Variants in MAP3K9 observed in about 807,000 individuals in gnomAD.
MAP3K9 encodes mitogen-activated protein kinase kinase kinase 9.
In MAP3K9, 46 loss-of-function variants were observed where a neutral mutation model predicts 95.8. That is an observed-to-expected ratio of 0.48 (90% CI 0.38 to 0.61). MAP3K9 has a LOEUF of 0.61. Among genes scored for constraint, MAP3K9 ranks in the 20% least tolerant of loss-of-function variants. The probability of loss-of-function intolerance (pLI) is 0.00; values close to 1 mark genes in which losing one functional copy is unlikely to be tolerated. For missense variants in MAP3K9, 1,296 were observed against 1,474.3 expected, an observed-to-expected ratio of 0.88 and a Z score of 1.98; for synonymous variants, 533 against 593.8, an observed-to-expected ratio of 0.90 and a Z score of 1.49.
chr14:70,730,972 C>T lies in MAP3K9; in HGVS notation c.2831-108G>A, dbSNP rs1391182084. On this transcript the variant is annotated intron_variant, in intron 11 of 11. Transcript: ENST00000554752. ...CCATATCCCTACGCAATCAGGAGAA[C>T]ATGAATCACCAAATGTTTGTGGAGC... 7 of 1,218,518 alleles carry T rather than the reference C, an allele frequency of 5.7e-6. No individual in the cohort carries two copies. In the African/African-American group the frequency reaches 7.5e-5, roughly 13 times the overall value. 75.5% of individuals were successfully genotyped at this position (1,218,518 alleles called of 1,614,324 possible).
chr14:70,739,917 C>T (rs1380952890), intron 7 of MAP3K9, 125 bp downstream of exon 7: 1 of 1,613,250 alleles, frequency 6.2e-7, no homozygotes, highest in African/African-American at 1.3e-5. Context: ...TGTATATACA[C>T]ATTGTCGAGG....
intron 2 of MAP3K9, among the ~76,000 whole-genome samples, chr14:70,777,295 A>G (rs2054612883): frequency 6.6e-6 from 1 of 152,140 alleles, no homozygotes; most frequent in African/African-American, 2.4e-5. Context: ...GCCCTATCCA[A>G]TGACTCATCC....
At chr14:70,740,221 T>A in intron 6 of MAP3K9, 57 bp from the exon 7 acceptor site, 1 of 1,557,048 alleles carries the variant, frequency 6.4e-7, no homozygotes, top group African/African-American at 1.4e-5. Context: ...ATTAAATTCA[T>A]ATAAGAAATA....
intron 8 of MAP3K9, among the ~76,000 whole-genome samples, chr14:70,736,679 G>A (rs1431092212): frequency 1.3e-5 from 2 of 152,182 alleles, no homozygotes; most frequent in Non-Finnish European, 2.9e-5. Context: ...GACTCAGGGT[G>A]ACTGAGTTTC....
intron 3 of MAP3K9, among the ~76,000 whole-genome samples, chr14:70,760,034 G>T (rs766528221): frequency 2.7e-5 from 4 of 145,508 alleles, no homozygotes; most frequent in Non-Finnish European, 4.5e-5. Flanking sequence ...GGGATTACAG[G>T]CATGAGCCAC....
intron 2 of MAP3K9, among the ~76,000 whole-genome samples, chr14:70,767,094 C>T (rs1379530065): frequency 6.6e-6 from 1 of 152,094 alleles, no homozygotes; most frequent in East Asian, 1.9e-4. Context: ...TTTGAAAGAA[C>T]TCATCCCGGC....
intron 2 of MAP3K9, among the ~76,000 whole-genome samples, chr14:70,772,374 C>T (rs1011263768): frequency 1.4e-4 from 21 of 152,152 alleles, no homozygotes; most frequent in African/African-American, 4.1e-4. Flanking sequence ...GTACAAAACA[C>T]CCCTCATAGA....
At chr14:70,734,852 G>A (rs2053962479) in intron 9 of MAP3K9, among the ~76,000 whole-genome samples, 1 of 152,204 alleles carries the variant, frequency 6.6e-6, no homozygotes, top group Non-Finnish European at 1.5e-5. Flanking sequence ...GCAGACACTG[G>A]ACACAACACA....
rs183536611 is a variant in MAP3K9 at position 70,761,320 on chromosome 14, C to A, written c.821-138G>T. The A allele has an allele frequency of 3.8e-5, 26 of 686,824 alleles. No individual in the cohort carries two copies. In the East Asian group the frequency reaches 6.8e-4, roughly 18 times the overall value. The allele number at this position is 686,824 out of a possible 1,614,324, so 42.5% of individuals were successfully genotyped here. ...AGCTGCCATGGATTGATGGTCAGAG[C>A]CATCATTTCTTAAACACCTACAGTG... On this transcript the variant is annotated intron_variant, in intron 2 of 11. Coordinates refer to ENST00000554752, the MANE Select transcript of MAP3K9 (RefSeq NM_001284230.2).
At chr14:70,784,167 C>T (rs912679335) in intron 2 of MAP3K9, among the ~76,000 whole-genome samples, 1 of 152,048 alleles carries the variant, frequency 6.6e-6, no homozygotes, top group Non-Finnish European at 1.5e-5. Flanking sequence ...CCTGTAATCC[C>T]AGCTACTTGA....
chr14:70,809,037 G>T lies in MAP3K9; in HGVS notation c.135C>A (p.Pro45=). Residue 45 remains proline (P), a synonymous_variant, in exon 1 of 12, where the codon CCC becomes CCA. Coordinates refer to ENST00000554752, the MANE Select transcript of MAP3K9 (RefSeq NM_001284230.2). ...EEEEAAAAVG[P]GELGCDAPLP... The stretch of plus-strand genomic sequence containing the variant: ...GCGGCGCGTCGCAGCCCAGCTCCCC[G>T]GGGCCCACCGCCGCCGCCGCCTCCT... 2 of 1,472,942 alleles carry T rather than the reference G, an allele frequency of 1.4e-6. No individual in the cohort carries two copies. Among genetic ancestry groups the T allele is most frequent in the Non-Finnish European group, 1.8e-6 (2 of 1,117,770 alleles). 91.2% of individuals were successfully genotyped at this position (1,472,942 alleles called of 1,614,324 possible).
Position 70,780,512 on chromosome 14 carries a change from G to A in MAP3K9, c.821-19330C>T, listed in dbSNP as rs1594801394. Among the ~76,000 whole-genome samples, 4 of 152,100 alleles carry A rather than the reference G, an allele frequency of 2.6e-5. 1 individual carries two copies. The highest frequency in any genetic ancestry group is 2.6e-4 in the Admixed American group (4 of 15,270). On this transcript the variant is annotated intron_variant, in intron 2 of 11. Transcript: ENST00000554752. ...CCATCTCCCTGACCAAACCTCCCAC[G>A]TGTCTGCAGGACACCTAGCTCTCTC...
chr14:70,759,629 T>C (rs1474433318), intron 3 of MAP3K9, among the ~76,000 whole-genome samples: 2 of 152,190 alleles, frequency 1.3e-5, no homozygotes, highest in African/African-American at 4.8e-5. Context: ...CCTCAGGAAC[T>C]ATAAAAGCAC....
In MAP3K9 at chr14:70,730,570, G is replaced by A. The variant is rs371408609; in HGVS notation, c.3125C>T (p.Thr1042Ile). 9.3e-6 allele frequency: 15 copies of A among 1,613,920 alleles called. No individual in the cohort carries two copies. The African/African-American group carries it at 1.7e-4, about 19-fold the overall frequency. Residue 1042 changes from threonine (T) to isoleucine (I), a missense_variant, in exon 12 of 12, where the codon ACT becomes ATT. Physicochemically the swap from Thr to Ile is moderately conservative, Grantham distance 89. Around this residue, in one of 5 missense-constraint regions of MAP3K9, gnomAD observed 433 missense variants for 441.4 expected, o/e 0.98. Transcript: ENST00000554752. ...TGGAAGTCCAGGCCGCTCCTCTACA[G>A]TGCTGCTACTGCTAGCAAAGCAGGA... ...LDSCFASSSS[T>I]VEERPGLPAL... is the part of the protein sequence containing the mutation.
intron 1 of MAP3K9, among the ~76,000 whole-genome samples, chr14:70,801,325 C>A (rs914651007): frequency 6.6e-6 from 1 of 152,186 alleles, no homozygotes; most frequent in Non-Finnish European, 1.5e-5. Flanking sequence ...AAAATCCCAC[C>A]TGGAAAATCA....
rs1414187638 is a variant in MAP3K9 at position 70,809,386 on chromosome 14, G to A, written c.-215C>T. ...GCGCGAGCTCTTCGCGCAGCCTAGGGGCGCAGCGGGCCGAGTCCCCGCCTG... is the reference window on the plus strand; with the variant it reads ...GCGCGAGCTCTTCGCGCAGCCTAGGAGCGCAGCGGGCCGAGTCCCCGCCTG... On this transcript the variant is annotated 5_prime_UTR_variant, in exon 1 of 12. Transcript: ENST00000554752. The A allele has an allele frequency of 2.0e-6, 1 of 506,572 alleles. No homozygotes were observed. The highest frequency in any genetic ancestry group is 3.7e-5 in the East Asian group (1 of 27,190). The allele number at this position is 506,572 out of a possible 1,614,324, so 31.4% of individuals were successfully genotyped here.
chr14:70,788,527 A>G lies in MAP3K9; in HGVS notation c.820+12140T>C, dbSNP rs116715275. Among the ~76,000 whole-genome samples the G allele has an allele frequency of 7.2e-3, 1,091 of 152,338 alleles. 13 individuals carry two copies. Among genetic ancestry groups the G allele is most frequent in the African/African-American group, 0.025 (1,039 of 41,574 alleles). ...CATTTGCTCAAGGTCCTTAGCTAGC[A>G]AGTAACAGAGCCAGGTAAGACTCAA... On this transcript the variant is annotated intron_variant, in intron 2 of 11. Transcript: ENST00000554752.
rs544080587 is a variant in MAP3K9 at position 70,794,637 on chromosome 14, A to G, written c.820+6030T>C. 3.3e-5 allele frequency among the ~76,000 whole-genome samples: 5 copies of G among 151,752 alleles called. No homozygotes were observed. The East Asian group carries it at 9.7e-4, about 29-fold the overall frequency. ...GCACAGAAAAACTGGAAAAACACAC[A>G]GTGTTTTTACCCCTGTTTTTCCGTT... On this transcript the variant is annotated intron_variant, in intron 2 of 11. Coordinates refer to ENST00000554752, the MANE Select transcript of MAP3K9 (RefSeq NM_001284230.2).
chr14:70,735,223 C>T (rs1418678909), intron 9 of MAP3K9, among the ~76,000 whole-genome samples: 2 of 152,082 alleles, frequency 1.3e-5, no homozygotes, highest in African/African-American at 4.8e-5. Context: ...ACAGCCTGGG[C>T]ACCCTGCCAA....
Sources: allele counts gnomAD v4.1 joint callset (sites outside exome capture counted in the v4.1 genomes callset), GRCh38; gene constraint gnomAD v4.1.1; regional missense constraint gnomAD v4.1.1; transcripts MANE v1.5; gene names NCBI Gene and HGNC (gene_info 2026-07-23, HGNC 2026-07-21).